The following TIMM23 variants were observed in gnomAD, a reference collection of about 807,000 sequenced individuals.
The protein encoded by TIMM23 is translocase of inner mitochondrial membrane 23.
Under a neutral mutation model 30.7 loss-of-function variants are expected in TIMM23, and 19 were observed. The observed-to-expected ratio is 0.62, with a 90% CI of 0.43 to 0.91. The LOEUF is 0.91. TIMM23 is among the 40% of genes least tolerant of loss of function. TIMM23 has a pLI of 0.00. For missense variants in TIMM23, 202 were observed against 269.2 expected, an observed-to-expected ratio of 0.75 and a Z score of 1.75; for synonymous variants, 78 against 98.5, an observed-to-expected ratio of 0.79 and a Z score of 1.23.
At chr10:45,986,762 CCT>C (rs1450321370) in intron 5 of TIMM23, among the ~76,000 whole-genome samples, 2 of 151,412 alleles carry the variant, frequency 1.3e-5, no homozygotes, top group African/African-American at 4.9e-5. Context: ...GAGAATCAAA[CCT>C]CACTTTTTTT....
intron 6 of TIMM23, among the ~76,000 whole-genome samples, chr10:45,991,817 T>C (rs1838172009): frequency 6.6e-6 from 1 of 152,106 alleles, no homozygotes; most frequent in Non-Finnish European, 1.5e-5. Flanking sequence ...GTTTGCTGTT[T>C]GGTGGTTTCT....
chr10:45,980,041 T>C (rs1837798418), intron 2 of TIMM23, among the ~76,000 whole-genome samples: 1 of 151,638 alleles, frequency 6.6e-6, no homozygotes, highest in African/African-American at 2.4e-5. Context: ...TTCTTCATCA[T>C]GAACATTTAA....
intron 6 of TIMM23, among the ~76,000 whole-genome samples, chr10:45,990,116 ATTTT>A (rs782791725): frequency 7.4e-6 from 1 of 135,824 alleles, no homozygotes; most frequent in African/African-American, 2.7e-5. Context: ...GCAACTTTTA[ATTTT>A]TTTTTTTTTT....
chr10:45,974,876 T>C (rs1205910531), intron 1 of TIMM23, among the ~76,000 whole-genome samples: 2 of 151,856 alleles, frequency 1.3e-5, no homozygotes, highest in African/African-American at 4.8e-5. Flanking sequence ...TCAATGTTAG[T>C]GAATTCAGGT....
intron 1 of TIMM23, among the ~76,000 whole-genome samples, chr10:45,973,444 G>A (rs1490329555): frequency 6.6e-6 from 1 of 152,178 alleles, no homozygotes; most frequent in Non-Finnish European, 1.5e-5. Flanking sequence ...TAGGCAGTTG[G>A]TCGTGGATAA....
chr10:45,976,147 G>C (rs1163490052), intron 2 of TIMM23, among the ~76,000 whole-genome samples: 24 of 152,116 alleles, frequency 1.6e-4, no homozygotes, highest in African/African-American at 2.2e-4. Context: ...AATATATCTT[G>C]GGTATATTAG....
rs782386640 is a variant in TIMM23, at chr10:46,003,153, C to T, written c.515-50C>T. On this transcript the variant is annotated intron_variant, in intron 6 of 6. Coordinates refer to ENST00000580018, the MANE Select transcript of TIMM23 (RefSeq NM_006327.4). ...TTTATTTAACCCTATCGTGCTAGGG[C>T]ACTATGCAATATACAGCTATTTCAT... 7 of 1,398,040 alleles carry T rather than the reference C, an allele frequency of 5.0e-6. No individual in the cohort carries two copies. The African/African-American group carries it at 7.1e-5, about 14-fold the overall frequency. The allele number at this position is 1,398,040 out of a possible 1,614,324, so 86.6% of individuals were successfully genotyped here.
At chr10:45,979,755 A>G (rs1334358334) in intron 2 of TIMM23, among the ~76,000 whole-genome samples, 76 of 152,004 alleles carry the variant, frequency 5.0e-4, no homozygotes, top group African/African-American at 1.7e-3. Context: ...GGACCTTGCC[A>G]ATTTAAAGCT....
chr10:45,984,831 C>G (rs1837951092), intron 4 of TIMM23: 1 of 223,262 alleles, frequency 4.5e-6, no homozygotes, highest in African/African-American at 2.3e-5. Flanking sequence ...CCCATGTATT[C>G]TAGTTAGATG....
At chr10:45,998,831 C>CTTT (rs35752006) in intron 6 of TIMM23, among the ~76,000 whole-genome samples, 2 of 125,212 alleles carry the variant, frequency 1.6e-5, no homozygotes, top group South Asian at 2.5e-4. Context: ...TCCCAAATAT[C>CTTT]TTTTTTTTTT....
intron 6 of TIMM23, among the ~76,000 whole-genome samples, chr10:45,996,964 CAAACAAAAA>C (rs1367997579): frequency 2.7e-5 from 3 of 111,786 alleles, no homozygotes; most frequent in East Asian, 5.1e-4. Flanking sequence ...GACCCTGTGT[CAAACAAAAA>C]AAAAAAAAAA....
At chr10:45,982,461 C>A in intron 2 of TIMM23, 62 bp from the exon 3 acceptor site, 3 of 1,554,702 alleles carry the variant, frequency 1.9e-6, no homozygotes, top group Non-Finnish European at 2.7e-6. Flanking sequence ...GTTAAAAAGG[C>A]AACTTTACAA....
At chr10:45,990,453 A>C (rs1231124841) in intron 6 of TIMM23, among the ~76,000 whole-genome samples, 2 of 125,056 alleles carry the variant, frequency 1.6e-5, no homozygotes, top group Admixed American at 1.6e-4. Context: ...ACAGAGTCTC[A>C]CTCTGTCATC....
At chr10:45,993,293 T>C (rs1838227261) in intron 6 of TIMM23, among the ~76,000 whole-genome samples, 1 of 146,786 alleles carries the variant, frequency 6.8e-6, no homozygotes, top group Admixed American at 7.0e-5. Context: ...TTGGCCAGAC[T>C]GGAGTGCAAT....
chr10:45,974,860 C>A (rs1837617567), intron 1 of TIMM23, among the ~76,000 whole-genome samples: 1 of 151,916 alleles, frequency 6.6e-6, no homozygotes, highest in Non-Finnish European at 1.5e-5. Context: ...ATAGGTTTTA[C>A]TGTTTTCAAT....
chr10:45,987,151 T>G (rs1443783883), intron 5 of TIMM23, among the ~76,000 whole-genome samples: 1 of 152,122 alleles, frequency 6.6e-6, no homozygotes, highest in Non-Finnish European at 1.5e-5. Flanking sequence ...GTGTTTGCTA[T>G]TAGAAACTGT....
rs1456663200 is a variant in TIMM23 at position 45,982,594 on chromosome 10, G to C, written c.237G>C (p.Thr79=). 12 of 1,613,758 alleles carry C rather than the reference G, an allele frequency of 7.4e-6. No homozygotes were observed. The East Asian group carries it at 2.7e-4, about 36-fold the overall frequency. The change falls in exon 3 of 7, where the codon ACG becomes ACC. Residue 79 remains threonine, a synonymous_variant. Coordinates refer to ENST00000580018, the MANE Select transcript of TIMM23 (RefSeq NM_006327.4). ...TRGRFELAFF[T]IGGCCMTGAA... is the part of the protein sequence containing the mutation. ...GCAGATTTGAGCTGGCCTTCTTTAC[G>C]ATTGGAGGATGTTGCATGACAGGTG...
At position 45,999,143 on chromosome 10, in the gene TIMM23, T is replaced by A. The variant is rs908405541; in HGVS notation, c.515-4060T>A. On this transcript the variant is annotated intron_variant, in intron 6 of 6. Transcript: ENST00000580018. ...GCCACCATGCCAGGCCTTTTTAAAA[T>A]TTTTTTTTATTTTTTGAGACCAGGT... Among the ~76,000 whole-genome samples, 379 of 151,720 alleles carry A rather than the reference T, an allele frequency of 2.5e-3. 3 individuals carry two copies. The highest frequency in any genetic ancestry group is 8.3e-3 in the African/African-American group (345 of 41,336).
chr10:46,002,810 A>ATTTTTTTT lies in TIMM23; in HGVS notation c.515-376_515-369dup, dbSNP rs386371331. On this transcript the variant is annotated intron_variant, in intron 6 of 6. Coordinates refer to ENST00000580018, the MANE Select transcript of TIMM23 (RefSeq NM_006327.4). ...TAAAATGGTCTCTCCATTTCATAGT[A>ATTTTTTTT]TTTTTTTTTTTTTTTTTTTTTTTTG... Among the ~76,000 whole-genome samples, 57 of 95,078 alleles carry ATTTTTTTT rather than the reference A, an allele frequency of 6.0e-4. 2 individuals carry two copies. The highest frequency in any genetic ancestry group is 6.0e-4 in the African/African-American group (14 of 23,340). The allele number at this position is 95,078 out of a possible 152,430, so 62.4% of individuals were successfully genotyped here.
Sources: gnomAD v4.1 joint callset for allele counts (sites outside exome capture counted in the v4.1 genomes callset) on GRCh38, gnomAD v4.1.1 for gene constraint, MANE v1.5 for transcripts, NCBI Gene and HGNC (gene_info 2026-07-23, HGNC 2026-07-21) for gene names.